ALG11: variants seen among roughly 807,000 people sequenced by gnomAD.
The protein encoded by ALG11 is GDP-Man:Man(3)GlcNAc(2)-PP-Dol alpha-1,2-mannosyltransferase.
A neutral mutation model predicts 38.8 loss-of-function variants in ALG11; 26 were observed. The observed-to-expected ratio is 0.67, with a 90% confidence interval of 0.49 to 0.93. The LOEUF (loss-of-function observed/expected upper bound fraction) is 0.93. Among genes scored for constraint, ALG11 ranks in the 40% least tolerant of loss-of-function variants. The probability of loss-of-function intolerance (pLI) is 0.00; values close to 1 mark genes in which losing one functional copy is unlikely to be tolerated. For missense variants in ALG11, 535 were observed against 578.8 expected, an observed-to-expected ratio of 0.92 and a Z score of 0.78; for synonymous variants, 199 against 211.6, an observed-to-expected ratio of 0.94 and a Z score of 0.52.
At chr13:52,014,574 G>T (rs563453494) in intron 1 of ALG11, among the ~76,000 whole-genome samples, 141 of 149,698 alleles carry the variant, frequency 9.4e-4, no homozygotes, top group African/African-American at 3.4e-3. Flanking sequence ...TTGCTCTGTT[G>T]CCCAGGCTGG....
chr13:52,018,852 A>T, intron 1 of ALG11, 61 bp from the exon 2 acceptor site: 2 of 1,400,114 alleles, frequency 1.4e-6, no homozygotes, highest in Non-Finnish European at 2.0e-6. Context: ...AGCAGACTTT[A>T]ATTTGTAATT....
Position 52,017,915 on chromosome 13 carries a change from T to C in ALG11, c.45-998T>C, listed in dbSNP as rs78119887. Among the ~76,000 whole-genome samples the C allele has an allele frequency of 1.4e-3, 210 of 152,332 alleles. 1 individual carries two copies. The East Asian group carries it at 0.034, about 24-fold the overall frequency. On this transcript the variant is annotated intron_variant, in intron 1 of 3. Coordinates refer to ENST00000521508, the MANE Select transcript of ALG11 (RefSeq NM_001004127.3). ...ACATACACACCATCTTTATTCTATTTTCACTGGTCCTGACTTTTTATTATT... is the reference window on the plus strand; with the variant it reads ...ACATACACACCATCTTTATTCTATTCTCACTGGTCCTGACTTTTTATTATT...
At position 52,028,924 on chromosome 13, in the gene ALG11, A is replaced by C; in HGVS notation, c.*334A>C. On this transcript the variant is annotated 3_prime_UTR_variant, in exon 4 of 4. Coordinates refer to ENST00000521508, the MANE Select transcript of ALG11 (RefSeq NM_001004127.3). ...ATGAGGGGGACAGTGATGGAGAGAG[A>C]AAGCATCAAAAGCTTCTGGAAGCAA... The C allele has an allele frequency of 6.2e-7, 1 of 1,614,212 alleles. No individual in the cohort carries two copies. Among genetic ancestry groups the C allele is most frequent in the Non-Finnish European group, 8.5e-7 (1 of 1,180,034 alleles).
In ALG11 at chr13:52,030,162, A is replaced by T. The variant is rs538736846; in HGVS notation, c.*1572A>T. The T allele has an allele frequency of 6.2e-7, 1 of 1,614,208 alleles. No individual in the cohort carries two copies. Among genetic ancestry groups the T allele is most frequent in the East Asian group, 2.2e-5 (1 of 44,884 alleles). ...GAAACAAAAGATTCTAGCAGCCAGG[A>T]GGTGCTGTCCGAATTGAGGGCACTA... On this transcript the variant is annotated 3_prime_UTR_variant, in exon 4 of 4. Transcript: ENST00000521508.
chr13:52,027,832 C>T (rs1319924807), intron 3 of ALG11, among the ~76,000 whole-genome samples: 1 of 152,080 alleles, frequency 6.6e-6, no homozygotes, highest in African/African-American at 2.4e-5. Context: ...TATGTTTTTA[C>T]TCCTTTTGTT....
Position 52,018,946 on chromosome 13 carries a change from T to G in ALG11, c.78T>G (p.Ile26Met). Reference protein sequence around the residue: ...FFYSLFFPGLIVCGTLCVCLV... With the variant: ...FFYSLFFPGLMVCGTLCVCLV... ...ATTCATTATTCTTCCCTGGGCTCATTGTATGTGGAACTTTATGTGTGTGTT... is the reference window on the plus strand; with the variant it reads ...ATTCATTATTCTTCCCTGGGCTCATGGTATGTGGAACTTTATGTGTGTGTT... The change falls in exon 2 of 4, where the codon ATT becomes ATG. Residue 26 changes from isoleucine (I) to methionine (M), a missense_variant. Physicochemically the swap from Ile to Met is conservative, Grantham distance 10 (BLOSUM62 1). Coordinates refer to ENST00000521508, the MANE Select transcript of ALG11 (RefSeq NM_001004127.3). 1.9e-6 allele frequency: 3 copies of G among 1,614,108 alleles called. No homozygotes were observed. The highest frequency in any genetic ancestry group is 2.7e-5 in the African/African-American group (2 of 75,050).
intron 3 of ALG11, 118 bp from the exon 4 acceptor site, chr13:52,028,201 A>C: frequency 1.7e-6 from 2 of 1,181,198 alleles, no homozygotes; most frequent in Non-Finnish European, 2.5e-6. Flanking sequence ...GTCTAGACAT[A>C]CATTTAATTA....
Position 52,030,304 on chromosome 13 carries a change from A to C in ALG11, c.*1714A>C. 6.2e-7 allele frequency: 1 copy of C among 1,614,250 alleles called. No individual in the cohort carries two copies. The highest frequency in any genetic ancestry group is 1.1e-5 in the South Asian group (1 of 91,090). On this transcript the variant is annotated 3_prime_UTR_variant, in exon 4 of 4. Transcript: ENST00000521508. ...CAGAAGAAGCGGAACCCCTATTGCT[A>C]CAGAGGTCAGAGAGAGTACAAACTC...
At chr13:52,019,262 C>A (rs1954164294) in intron 2 of ALG11, 119 bp downstream of exon 2, 1 of 930,310 alleles carries the variant, frequency 1.1e-6, no homozygotes, top group Non-Finnish European at 1.6e-6. Context: ...TACTCTGTCA[C>A]CCAGGCTGGA....
At position 52,031,115 on chromosome 13, in the gene ALG11, C is replaced by T. The variant is rs764193895; in HGVS notation, c.*2525C>T. On this transcript the variant is annotated 3_prime_UTR_variant, in exon 4 of 4. Coordinates refer to ENST00000521508, the MANE Select transcript of ALG11 (RefSeq NM_001004127.3). ...AGAAGAAAAACTGTAGGTTGTGTAG[C>T]TGGAGAAGTGACAGTCAGGGGCCCT... 3.8e-6 allele frequency: 6 copies of T among 1,596,838 alleles called. No individual in the cohort carries two copies. Among genetic ancestry groups the T allele is most frequent in the East Asian group, 2.2e-5 (1 of 44,726 alleles).
At chr13:52,016,130 C>T (rs1954132322) in intron 1 of ALG11, 1 of 152,218 alleles carries the variant, frequency 6.6e-6, no homozygotes. Context: ...GGCATTTTGC[C>T]CCTGCCCTAG....
chr13:52,019,291 G>A (rs537767747), intron 2 of ALG11, 148 bp downstream of exon 2: 22 of 725,328 alleles, frequency 3.0e-5, no homozygotes, highest in South Asian at 5.7e-5. Context: ...GCACGATGTC[G>A]GCTCACTGCA....
chr13:52,024,119 T>G lies in ALG11; in HGVS notation c.389T>G (p.Phe130Cys), dbSNP rs1235779869. 2 of 1,613,960 alleles carry G rather than the reference T, an allele frequency of 1.2e-6. No homozygotes were observed. The highest frequency in any genetic ancestry group is 1.3e-5 in the African/African-American group (1 of 74,904). The change falls in exon 3 of 4, where the codon TTT becomes TGT. Residue 130 changes from phenylalanine (F) to cysteine (C), a missense_variant. By Grantham distance (205) the Phe-to-Cys change is radical. Transcript: ENST00000521508. ...FNIRLIHPVQ[F>C]VFLRKRYLVE... is the part of the protein sequence containing the mutation. ...ATCAGATTAATTCACCCAGTGCAGTTTGTTTTTTTAAGGAAACGCTATCTT... is the reference window on the plus strand; with the variant it reads ...ATCAGATTAATTCACCCAGTGCAGTGTGTTTTTTTAAGGAAACGCTATCTT...
chr13:52,019,331 C>T lies in ALG11; in HGVS notation c.275+188C>T, dbSNP rs533981377. 1.6e-4 allele frequency among the ~76,000 whole-genome samples: 24 copies of T among 148,592 alleles called. No individual in the cohort carries two copies. The South Asian group carries it at 4.7e-3, about 29-fold the overall frequency. ...CCGCCTCCCAGGTTCATGCCATTCTCCTGCCTCGGCCTCCCGAGTAGCTGG... is the reference window on the plus strand; with the variant it reads ...CCGCCTCCCAGGTTCATGCCATTCTTCTGCCTCGGCCTCCCGAGTAGCTGG... On this transcript the variant is annotated intron_variant, in intron 2 of 3. Transcript: ENST00000521508.
chr13:52,024,996 T>C, intron 3 of ALG11, 59 bp downstream of exon 3: 5 of 1,523,136 alleles, frequency 3.3e-6, no homozygotes, highest in East Asian at 4.5e-5. Flanking sequence ...TTAAGTTCTT[T>C]TGATAAAATG....
At chr13:52,017,806 G>A (rs1240288136) in intron 1 of ALG11, 1 of 152,332 alleles carries the variant, frequency 6.6e-6, no homozygotes, top group Non-Finnish European at 1.5e-5. Context: ...AGGCTACTGA[G>A]CAGCCCAGAG....
At position 52,028,916 on chromosome 13, in the gene ALG11, GGA is replaced by G. The variant is rs773102880; in HGVS notation, c.*333_*334del. ...AAATGAAGATGAGGGGGACAGTGAT[GGA>G]GAGAGAAAGCATCAAAAGCTTCTGG... On this transcript the variant is annotated 3_prime_UTR_variant, in exon 4 of 4. Coordinates refer to ENST00000521508, the MANE Select transcript of ALG11 (RefSeq NM_001004127.3). 6.2e-7 allele frequency: 1 copy of G among 1,614,196 alleles called. No homozygotes were observed. Among genetic ancestry groups the G allele is most frequent in the South Asian group, 1.1e-5 (1 of 91,076 alleles).
Position 52,028,608 on chromosome 13 carries a change from T to C in ALG11, c.*18T>C. 1.2e-6 allele frequency: 2 copies of C among 1,607,472 alleles called. No homozygotes were observed. The highest frequency in any genetic ancestry group is 1.7e-6 in the Non-Finnish European group (2 of 1,174,538). On this transcript the variant is annotated 3_prime_UTR_variant, in exon 4 of 4. Transcript: ENST00000521508. The stretch of plus-strand genomic sequence containing the variant: ...TTAAGTAATGCCATATCTGTAAAAT[T>C]AAAGATATTTTATATAAACTGGTTA...
Position 52,029,081 on chromosome 13 carries a change from G to A in ALG11, c.*491G>A, listed in dbSNP as rs545278962. 2.7e-4 allele frequency: 440 copies of A among 1,614,238 alleles called. 1 individual carries two copies. In the South Asian group the frequency reaches 4.0e-3, roughly 15 times the overall value. On this transcript the variant is annotated 3_prime_UTR_variant, in exon 4 of 4. Transcript: ENST00000521508. Reference sequence around the variant, plus strand: ...GGGCCTTGCAGATCTGCTTGAGCCCGTTAAAACTTCATCTTCTTTGGCCAC... The same window carrying A: ...GGGCCTTGCAGATCTGCTTGAGCCCATTAAAACTTCATCTTCTTTGGCCAC...
Sources: gnomAD v4.1 joint callset for allele counts (sites outside exome capture counted in the v4.1 genomes callset) on GRCh38, gnomAD v4.1.1 for gene constraint, MANE v1.5 for transcripts, NCBI Gene and HGNC (gene_info 2026-07-23, HGNC 2026-07-21) for gene names.